HDHD5: variants seen among roughly 807,000 people sequenced by gnomAD.
HDHD5 encodes haloacid dehalogenase-like hydrolase domain-containing 5.
In HDHD5, 34 loss-of-function variants were observed where a neutral mutation model predicts 35.5. The ratio of observed to expected loss-of-function variants is 0.96; its 90% CI spans 0.73 to 1.28. The LOEUF is 1.28. HDHD5 is among the 50% of genes most tolerant of loss of function. HDHD5 has a pLI of 0.00. For synonymous variants in HDHD5, 248 were observed against 240.6 expected (o/e 1.03, Z -0.29); for missense variants, 589 against 560.2 (o/e 1.05, Z -0.52).
intron 4 of HDHD5, chr22:17,143,358 TGAA>T (rs2061621105): frequency 2.1e-6 from 1 of 468,628 alleles, no homozygotes. Context: ...ACACCATGGG[TGAA>T]GTCACCAGGA....
At chr22:17,149,773 T>A (rs1568946605) in intron 1 of HDHD5, 28 bp from the exon 2 acceptor site, 1 of 1,583,406 alleles carries the variant, frequency 6.3e-7, no homozygotes. Flanking sequence ...TAATTACCAG[T>A]ACGTGAGTAA....
intron 1 of HDHD5, among the ~76,000 whole-genome samples, chr22:17,155,488 G>A (rs1325677686): frequency 1.3e-5 from 2 of 151,954 alleles, no homozygotes; most frequent in African/African-American, 2.4e-5. Context: ...CTCGTGATCC[G>A]CCCGTCGCGG....
At chr22:17,165,175 T>C in intron 1 of HDHD5, 7 of 769,852 alleles carry the variant, frequency 9.1e-6, no homozygotes, top group Non-Finnish European at 1.7e-5. Flanking sequence ...ACTCCTGGCC[T>C]CTCTCTACCT....
chr22:17,143,608 C>A, intron 4 of HDHD5: 1 of 157,818 alleles, frequency 6.3e-6, no homozygotes, highest in Non-Finnish European at 1.4e-5. Context: ...CTATGTGACC[C>A]GGGACAGGTC....
At chr22:17,144,835 G>A (rs1266297879) in intron 4 of HDHD5, among the ~76,000 whole-genome samples, 189 bp downstream of exon 4, 2 of 152,036 alleles carry the variant, frequency 1.3e-5, no homozygotes, top group African/African-American at 4.8e-5. Context: ...ACAGGTGTAA[G>A]CCACCGCAGC....
intron 6 of HDHD5, among the ~76,000 whole-genome samples, chr22:17,139,551 G>T (rs1458266891): frequency 6.6e-6 from 1 of 151,862 alleles, no homozygotes; most frequent in African/African-American, 2.4e-5. Flanking sequence ...AACAAACTGG[G>T]GACGGTATTC....
At chr22:17,141,609 C>T in intron 5 of HDHD5, 2 of 1,059,972 alleles carry the variant, frequency 1.9e-6, no homozygotes, top group Non-Finnish European at 2.3e-6. Context: ...TCTCTCTGAG[C>T]CCCAGGGACT....
intron 1 of HDHD5, among the ~76,000 whole-genome samples, chr22:17,152,562 T>C (rs750012155): frequency 2.0e-5 from 3 of 152,012 alleles, no homozygotes; most frequent in Non-Finnish European, 2.9e-5. Flanking sequence ...CATTGGAGGA[T>C]ACAAGGTTAA....
At chr22:17,144,290 A>G (rs372064015) in intron 4 of HDHD5, among the ~76,000 whole-genome samples, 1 of 151,438 alleles carries the variant, frequency 6.6e-6, no homozygotes, top group South Asian at 2.1e-4. Context: ...GGTCTCACTC[A>G]GCCGCCAAGA....
intron 1 of HDHD5, among the ~76,000 whole-genome samples, chr22:17,153,623 G>C (rs1213595692): frequency 7.2e-5 from 11 of 152,246 alleles, no homozygotes; most frequent in African/African-American, 2.4e-4. Flanking sequence ...TTTTTCCTGG[G>C]AAAAGTAACC....
At chr22:17,148,179 G>A (rs552917288) in intron 3 of HDHD5, among the ~76,000 whole-genome samples, 2 of 152,282 alleles carry the variant, frequency 1.3e-5, no homozygotes, top group African/African-American at 2.4e-5. Context: ...CCGAGACCTA[G>A]TGAATTAAGG....
rs1406247102 is a variant in HDHD5, at chr22:17,164,826, C to CA, written c.36+382_36+383insT. ...GATAAAAGGAGGGAAACTGGCATAT[C>CA]CTACCTCACACCAGTAGGAGGCAGA... On this transcript the variant is annotated intron_variant, in intron 1 of 7. Transcript: ENST00000155674. Among the ~76,000 whole-genome samples, 11 of 152,322 alleles carry CA rather than the reference C, an allele frequency of 7.2e-5. No homozygotes were observed. The East Asian group carries it at 2.1e-3, about 29-fold the overall frequency.
intron 3 of HDHD5, among the ~76,000 whole-genome samples, chr22:17,146,537 C>T (rs879600307): frequency 9.0e-6 from 1 of 111,622 alleles, no homozygotes; most frequent in African/African-American, 3.3e-5. Context: ...TCGCACACGC[C>T]CCACACCTGT....
upstream of HDHD5, chr22:17,159,332 C>T (rs995477676): frequency 3.4e-6 from 4 of 1,182,334 alleles, no homozygotes; most frequent in African/African-American, 5.3e-5. Context: ...AATCAGCGGT[C>T]GGCGCGCGCG....
At chr22:17,158,435 G>A (rs1269885740) in intron 1 of HDHD5, 1 of 152,246 alleles carries the variant, frequency 6.6e-6, no homozygotes, top group Non-Finnish European at 1.5e-5. Flanking sequence ...AAGGGAGCGT[G>A]AGAGCCGTGG....
At chr22:17,159,820 G>A (rs368935217), upstream of HDHD5, 28 of 278,892 alleles carry the variant, frequency 1.0e-4, no homozygotes, top group East Asian at 4.3e-3. Context: ...AGAGGTAGAG[G>A]CACGAATGTA....
intron 3 of HDHD5, among the ~76,000 whole-genome samples, chr22:17,147,372 T>C (rs1326946221): frequency 1.1e-4 from 10 of 94,040 alleles, no homozygotes; most frequent in African/African-American, 2.7e-4. Flanking sequence ...CCTGTGAGCT[T>C]ACCGGCCTTC....
upstream of HDHD5, among the ~76,000 whole-genome samples, chr22:17,161,886 GA>G (rs71200232): frequency 0.047 from 6,428 of 138,010 alleles, 149 homozygotes; most frequent in East Asian, 0.076. Context: ...AAAAAAAAAA[GA>G]AAAAAAAAAA....
chr22:17,163,809 G>A (rs1240494798), upstream of HDHD5, among the ~76,000 whole-genome samples: 5 of 152,200 alleles, frequency 3.3e-5, no homozygotes, highest in Admixed American at 1.3e-4. Flanking sequence ...GGCCTCACAC[G>A]TGTACAAGCT....
Sources: gnomAD v4.1 joint callset for allele counts (sites outside exome capture counted in the v4.1 genomes callset) on GRCh38, gnomAD v4.1.1 for gene constraint, MANE v1.5 for transcripts, NCBI Gene and HGNC (gene_info 2026-07-23, HGNC 2026-07-21) for gene names.